CNTN5: variants seen among roughly 807,000 people sequenced by gnomAD.
CNTN5 encodes contactin 5, also known as contactin-5.
In CNTN5, 77 loss-of-function variants were observed where a neutral mutation model predicts 129.1. The observed-to-expected ratio is 0.60, with a 90% CI of 0.50 to 0.72. The LOEUF is 0.72. Among genes scored for constraint, CNTN5 ranks in the 30% least tolerant of loss-of-function variants. The pLI is 0.00. For missense variants in CNTN5, 1,478 were observed against 1,328.8 expected (o/e 1.11, Z -1.75); for synonymous variants, 509 against 465.6 (o/e 1.09, Z -1.20).
At chr11:99,378,516 T>C (rs113157698) in intron 2 of CNTN5, among the ~76,000 whole-genome samples, 3,386 of 152,218 alleles carry the variant, frequency 0.022, 52 homozygotes, top group Non-Finnish European at 0.036. Flanking sequence ...TTTTACTAGA[T>C]GACCTTTGAA....
At chr11:100,263,837 T>G (rs1950250504) in intron 17 of CNTN5, among the ~76,000 whole-genome samples, 1 of 152,154 alleles carries the variant, frequency 6.6e-6, no homozygotes, top group Admixed American at 6.6e-5. Flanking sequence ...CCTACAGCCA[T>G]GCTCCCTGTC....
chr11:99,144,751 T>C (rs1859694237), intron 1 of CNTN5, among the ~76,000 whole-genome samples: 1 of 152,178 alleles, frequency 6.6e-6, no homozygotes, highest in Non-Finnish European at 1.5e-5. Flanking sequence ...ATTTTTAATT[T>C]CCAGTATGTC....
intron 3 of CNTN5, among the ~76,000 whole-genome samples, chr11:99,612,547 T>A (rs1950622639): frequency 6.6e-6 from 1 of 152,200 alleles, no homozygotes; most frequent in Admixed American, 6.5e-5. Flanking sequence ...CATATTGTCT[T>A]CTTTAGTCTT....
rs931036917 is a variant in CNTN5 at position 99,532,675 on chromosome 11, T to A, written c.-70-23470T>A. On this transcript the variant is annotated intron_variant, in intron 2 of 24. Coordinates refer to ENST00000524871, the MANE Select transcript of CNTN5 (RefSeq NM_014361.4). The stretch of plus-strand genomic sequence containing the variant: ...GTGAATAAGCCTCAGGAGATCTGAT[T>A]GGTTTATCAGTGGTTTCTGCCTTTC... Among the ~76,000 whole-genome samples, 20 of 152,290 alleles carry A rather than the reference T, an allele frequency of 1.3e-4. No individual in the cohort carries two copies. In the East Asian group the frequency reaches 3.1e-3, roughly 24 times the overall value.
chr11:99,078,273 T>C (rs552428229), intron 1 of CNTN5, among the ~76,000 whole-genome samples: 4 of 152,318 alleles, frequency 2.6e-5, no homozygotes, highest in African/African-American at 9.6e-5. Context: ...CAGAAAGACA[T>C]GTTGAATAGA....
At chr11:99,791,292 C>A (rs925402201) in intron 3 of CNTN5, among the ~76,000 whole-genome samples, 5 of 152,088 alleles carry the variant, frequency 3.3e-5, no homozygotes, top group Admixed American at 2.6e-4. Context: ...GCATTTAAAT[C>A]TTTGACCCAT....
rs577640629 is a variant in CNTN5, at chr11:99,809,195, G to C, written c.56-10349G>C. On this transcript the variant is annotated intron_variant, in intron 3 of 24. Coordinates refer to ENST00000524871, the MANE Select transcript of CNTN5 (RefSeq NM_014361.4). The stretch of plus-strand genomic sequence containing the variant: ...TCTTAATGCTATATGCTTCTATTAA[G>C]TGTAAAAATAAATTCACTTATAGCC... Among the ~76,000 whole-genome samples, 7 of 152,244 alleles carry C rather than the reference G, an allele frequency of 4.6e-5. No homozygotes were observed. In the South Asian group the frequency reaches 1.2e-3, roughly 27 times the overall value.
intron 14 of CNTN5, 141 bp downstream of exon 14, chr11:100,191,394 C>T (rs1483289027): frequency 5.1e-6 from 3 of 586,622 alleles, no homozygotes; most frequent in Non-Finnish European, 7.7e-6. Flanking sequence ...AAACATAGAA[C>T]TAAAACAGCC....
chr11:100,049,951 C>T (rs1459652813), intron 9 of CNTN5, among the ~76,000 whole-genome samples: 2 of 152,090 alleles, frequency 1.3e-5, no homozygotes, highest in Non-Finnish European at 2.9e-5. Flanking sequence ...GTTAGAATGG[C>T]AATCATTAAA....
Position 99,562,184 on chromosome 11 carries a change from C to G in CNTN5, c.55+5915C>G, listed in dbSNP as rs997557749. Among the ~76,000 whole-genome samples, 24 of 152,278 alleles carry G rather than the reference C, an allele frequency of 1.6e-4. 1 individual carries two copies. The highest frequency in any genetic ancestry group is 5.8e-4 in the African/African-American group (24 of 41,574). Reference sequence around the variant, plus strand: ...CAGGCATTGACTAAAATCTGCATATCAAATCTTACCTTTGTTTAAGCTGTT... The same window carrying G: ...CAGGCATTGACTAAAATCTGCATATGAAATCTTACCTTTGTTTAAGCTGTT... On this transcript the variant is annotated intron_variant, in intron 3 of 24. Transcript: ENST00000524871.
intron 3 of CNTN5, among the ~76,000 whole-genome samples, chr11:99,761,512 G>T (rs1220772372): frequency 1.3e-5 from 2 of 151,484 alleles, no homozygotes; most frequent in Non-Finnish European, 2.9e-5. Flanking sequence ...GAGAATATGC[G>T]GTGTTTGGTT....
intron 2 of CNTN5, among the ~76,000 whole-genome samples, chr11:99,328,398 C>T (rs1865869604): frequency 6.6e-6 from 1 of 152,104 alleles, no homozygotes; most frequent in Admixed American, 6.6e-5. Flanking sequence ...AACAGTTCCA[C>T]ACAAAATTGT....
intron 2 of CNTN5, among the ~76,000 whole-genome samples, chr11:99,359,388 C>T (rs1330851470): frequency 2.0e-5 from 3 of 151,934 alleles, no homozygotes; most frequent in Non-Finnish European, 2.9e-5. Flanking sequence ...TCAGAGACCC[C>T]ACCTCCTAAT....
intron 2 of CNTN5, among the ~76,000 whole-genome samples, chr11:99,539,143 C>A (rs11220363): frequency 0.15 from 22,419 of 151,936 alleles, 2,581 homozygotes; most frequent in East Asian, 0.64. Flanking sequence ...TCTAAATGAT[C>A]ATAAATTATG....
intron 2 of CNTN5, among the ~76,000 whole-genome samples, chr11:99,542,119 T>C (rs2135498378): frequency 6.6e-6 from 1 of 152,292 alleles, no homozygotes; most frequent in Non-Finnish European, 1.5e-5. Context: ...TAATACATTG[T>C]GTAATGATTA....
chr11:100,275,926 C>A (rs1377820050), intron 18 of CNTN5, among the ~76,000 whole-genome samples: 1 of 152,080 alleles, frequency 6.6e-6, no homozygotes, highest in Non-Finnish European at 1.5e-5. Flanking sequence ...AAAGAGACAC[C>A]AATGTCTGGA....
intron 15 of CNTN5, among the ~76,000 whole-genome samples, chr11:100,215,103 A>G (rs750353356): frequency 4.6e-5 from 7 of 152,210 alleles, no homozygotes; most frequent in Non-Finnish European, 8.8e-5. Context: ...AATGGTTAAA[A>G]TAACTGGAAA....
At chr11:99,551,607 T>C (rs11220422) in intron 2 of CNTN5, among the ~76,000 whole-genome samples, 7,435 of 152,182 alleles carry the variant, frequency 0.049, 410 homozygotes, top group East Asian at 0.25. Flanking sequence ...TCTTAGGTGA[T>C]ATAATCATTG....
chr11:100,096,474 C>A (rs987913486), intron 13 of CNTN5, among the ~76,000 whole-genome samples: 8 of 151,884 alleles, frequency 5.3e-5, no homozygotes, highest in Admixed American at 5.2e-4. Flanking sequence ...TAAACAACTA[C>A]TTCACATCAT....
Sources: gnomAD v4.1 joint callset for allele counts (sites outside exome capture counted in the v4.1 genomes callset) on GRCh38, gnomAD v4.1.1 for gene constraint, MANE v1.5 for transcripts, NCBI Gene and HGNC (gene_info 2026-07-23, HGNC 2026-07-21) for gene names.